GNE: variants seen among roughly 807,000 people sequenced by gnomAD.
The protein encoded by GNE is bifunctional UDP-N-acetylglucosamine 2-epimerase/N-acetylmannosamine kinase.
Under a neutral mutation model 61.8 loss-of-function variants are expected in GNE, and 41 were observed. That is an observed-to-expected ratio of 0.66 (90% CI 0.52 to 0.86). The LOEUF (loss-of-function observed/expected upper bound fraction) is 0.86. GNE is among the 40% of genes least tolerant of loss of function. The probability of loss-of-function intolerance (pLI) is 0.00; values close to 1 mark genes in which losing one functional copy is unlikely to be tolerated. For missense variants in GNE, 608 were observed against 909.1 expected (o/e 0.67, Z 4.26); for synonymous variants, 264 against 326.4 (o/e 0.81, Z 2.06).
At chr9:36,260,376 C>T (rs904015621), upstream of GNE, among the ~76,000 whole-genome samples, 16 of 151,266 alleles carry the variant, frequency 1.1e-4, no homozygotes, top group African/African-American at 3.9e-4. Flanking sequence ...ATGAGAAAGG[C>T]TGGGAGAGTG....
intron 2 of GNE, among the ~76,000 whole-genome samples, chr9:36,247,855 C>T (rs745317909): frequency 2.6e-5 from 4 of 151,666 alleles, no homozygotes; most frequent in Non-Finnish European, 5.9e-5. Context: ...GGAGAAACCC[C>T]GTCTCTACTA....
At chr9:36,220,186 T>A (rs1202546511) in intron 9 of GNE, among the ~76,000 whole-genome samples, 166 bp from the exon 10 acceptor site, 4 of 152,232 alleles carry the variant, frequency 2.6e-5, no homozygotes, top group South Asian at 4.1e-4. Flanking sequence ...GGCAGCATTT[T>A]GGATGGAAAT....
chr9:36,265,388 TAA>T (rs1357748009), intron 1 of GNE: 2 of 456,290 alleles, frequency 4.4e-6, no homozygotes, highest in African/African-American at 4.0e-5. Context: ...GGACCCCCGG[TAA>T]CATTGTGATG....
At chr9:36,254,380 T>A (rs193097955) in intron 1 of GNE, among the ~76,000 whole-genome samples, 12 of 151,848 alleles carry the variant, frequency 7.9e-5, no homozygotes, top group African/African-American at 7.2e-5. Flanking sequence ...AAATTTTTTT[T>A]AATTAGCTGA....
chr9:36,219,853 TTGCC>T lies in GNE; in HGVS notation c.1797_1800del (p.Ala600LysfsTer42). ...GGACACCAACCATCATGGAGCTTTT[TTGCC>T]TCCCTCTGCAAGGCCATTCCAGAGG... On this transcript the variant is annotated frameshift_variant, in exon 10 of 12. Coordinates refer to ENST00000642385, the MANE Select transcript of GNE (RefSeq NM_005476.7). LOFTEE classifies it high-confidence loss of function. The T allele has an allele frequency of 1.2e-6, 2 of 1,614,210 alleles. No individual in the cohort carries two copies. The highest frequency in any genetic ancestry group is 2.2e-5 in the South Asian group (2 of 91,086).
chr9:36,233,979 A>G lies in GNE; in HGVS notation c.923T>C (p.Val308Ala). Residue 308 changes from valine to alanine, a missense_variant, in exon 5 of 12, where the codon GTT becomes GCT. By Grantham distance (64) the Val-to-Ala change is moderately conservative. Coordinates refer to ENST00000642385, the MANE Select transcript of GNE (RefSeq NM_005476.7). ...GATCACAGGTGTTCCAAAAGCTCCA[A>G]CTTCTCGAACCCCACAGCTGCTGTT... is the stretch of plus-strand genomic sequence containing the variant. ...IGNSSCGVRE[V>A]GAFGTPVINL... 1 of 1,614,198 alleles carries G rather than the reference A, an allele frequency of 6.2e-7. No homozygotes were observed. The highest frequency in any genetic ancestry group is 1.3e-5 in the African/African-American group (1 of 75,052).
rs1828416780 is a variant in GNE, at chr9:36,218,155, G to A, written c.1933+28C>T. On this transcript the variant is annotated intron_variant, in intron 11 of 11. Transcript: ENST00000642385. This position sits in a 1 kb window ranked among gnomAD's most constrained non-coding sequence, Gnocchi z 4.1. The stretch of plus-strand genomic sequence containing the variant: ...ATGATATCTGAGGCCACCCCCTGCA[G>A]CACAGCCACCTGCAGCCACATGCTC... 1.3e-6 allele frequency: 2 copies of A among 1,491,676 alleles called. No individual in the cohort carries two copies. Among genetic ancestry groups the A allele is most frequent in the South Asian group, 1.1e-5 (1 of 88,786 alleles). 92.4% of individuals were successfully genotyped at this position (1,491,676 alleles called of 1,614,324 possible).
intron 1 of GNE, among the ~76,000 whole-genome samples, chr9:36,270,328 C>T (rs1052865788): frequency 6.6e-6 from 1 of 151,704 alleles, no homozygotes; most frequent in Non-Finnish European, 1.5e-5. Context: ...ATTTTATATA[C>T]CTAAAATCAA....
At chr9:36,267,002 G>T (rs1218807789) in intron 1 of GNE, among the ~76,000 whole-genome samples, 4 of 152,188 alleles carry the variant, frequency 2.6e-5, no homozygotes, top group African/African-American at 9.7e-5. Context: ...GGAGGCGAAG[G>T]TTACACTGAG....
At chr9:36,251,688 G>A (rs767939281) in intron 1 of GNE, among the ~76,000 whole-genome samples, 5 of 152,106 alleles carry the variant, frequency 3.3e-5, no homozygotes, top group Non-Finnish European at 7.4e-5. Flanking sequence ...TTTAGAACTT[G>A]TAATCAGGAA....
In GNE at chr9:36,218,516, G is replaced by A. The variant is rs1414451868; in HGVS notation, c.1817-217C>T. ...ACATAACCCAGAACCTATCTTCCTGGAAAAACCTCAAGTCTGACGACAGCC... is the reference window on the plus strand; with the variant it reads ...ACATAACCCAGAACCTATCTTCCTGAAAAAACCTCAAGTCTGACGACAGCC... On this transcript the variant is annotated intron_variant, in intron 10 of 11. Transcript: ENST00000642385. This position sits in a 1 kb window ranked among gnomAD's most constrained non-coding sequence, Gnocchi z 4.1. Among the ~76,000 whole-genome samples, 1 of 152,164 alleles carries A rather than the reference G, an allele frequency of 6.6e-6. No homozygotes were observed.
chr9:36,243,794 A>G (rs1829748370), intron 3 of GNE, among the ~76,000 whole-genome samples: 2 of 152,130 alleles, frequency 1.3e-5, no homozygotes, highest in Non-Finnish European at 2.9e-5. Flanking sequence ...GCACCACTGC[A>G]CTCCAGACTG....
At chr9:36,245,902 A>G (rs1168041077) in intron 3 of GNE, 129 bp downstream of exon 3, 11 of 720,994 alleles carry the variant, frequency 1.5e-5, no homozygotes, top group Admixed American at 4.5e-5. Flanking sequence ...AAGGTCTATG[A>G]ACTAAAACCT....
chr9:36,234,012 A>G lies in GNE; in HGVS notation c.890T>C (p.Met297Thr), dbSNP rs778668749. Residue 297 changes from methionine to threonine, a missense_variant, in exon 5 of 12, where the codon ATG (methionine) becomes ACG (threonine). Met to Thr is a moderately conservative substitution (Grantham distance 81). Coordinates refer to ENST00000642385, the MANE Select transcript of GNE (RefSeq NM_005476.7). ...AACCCCACAGCTGCTGTTCCCAATCATACAGCCAGCATGGGCAACCAACTG... is the reference window on the plus strand; with the variant it reads ...AACCCCACAGCTGCTGTTCCCAATCGTACAGCCAGCATGGGCAACCAACTG... ...FIQLVAHAGC[M>T]IGNSSCGVRE... 1 of 1,614,150 alleles carries G rather than the reference A, an allele frequency of 6.2e-7. No individual in the cohort carries two copies. Among genetic ancestry groups the G allele is most frequent in the South Asian group, 1.1e-5 (1 of 91,082 alleles).
At chr9:36,254,073 C>T (rs1348149570) in intron 1 of GNE, among the ~76,000 whole-genome samples, 2 of 151,860 alleles carry the variant, frequency 1.3e-5, no homozygotes, top group African/African-American at 2.4e-5. Context: ...GGCATGGTAG[C>T]GCGTGCCTGT....
chr9:36,224,326 T>C (rs1828756661), intron 7 of GNE, among the ~76,000 whole-genome samples: 1 of 151,932 alleles, frequency 6.6e-6, no homozygotes, highest in Non-Finnish European at 1.5e-5. Context: ...CCCAACTACT[T>C]GGGAGGCTAA....
In GNE at chr9:36,227,229, A is replaced by G. The variant is rs1220093810; in HGVS notation, c.1281+19T>C. 3.3e-6 allele frequency: 5 copies of G among 1,519,208 alleles called. No individual in the cohort carries two copies. In the African/African-American group the frequency reaches 5.5e-5, roughly 17 times the overall value. The allele number at this position is 1,519,208 out of a possible 1,614,324, so 94.1% of individuals were successfully genotyped here. ...CGCTCATATGGGATATAAAGTTAGG[A>G]GTTTAGGAGTTATTTTACCTTCATG... is the stretch of plus-strand genomic sequence containing the variant. On this transcript the variant is annotated intron_variant, in intron 7 of 11. Transcript: ENST00000642385.
At chr9:36,271,524 C>G (rs1233310501) in intron 1 of GNE, among the ~76,000 whole-genome samples, 1 of 152,166 alleles carries the variant, frequency 6.6e-6, no homozygotes, top group Non-Finnish European at 1.5e-5. Flanking sequence ...CAGGCGCCTG[C>G]CATCACACCT....
At chr9:36,223,025 A>G in intron 8 of GNE, 27 bp from the exon 9 acceptor site, 2 of 1,588,188 alleles carry the variant, frequency 1.3e-6, no homozygotes, top group Middle Eastern at 2.0e-4. Context: ...ACACAAGGAA[A>G]TAATGCTGAT....
Sources: gnomAD v4.1 joint callset for allele counts (sites outside exome capture counted in the v4.1 genomes callset) on GRCh38, gnomAD v4.1.1 for gene constraint, Gnocchi (gnomAD v3.1) non-coding constraint, MANE v1.5 for transcripts, NCBI Gene and HGNC (gene_info 2026-07-23, HGNC 2026-07-21) for gene names.